The following CNKSR3 variants were observed in gnomAD, a reference collection of about 807,000 sequenced individuals.
The protein encoded by CNKSR3 is connector enhancer of kinase suppressor of ras 3.
CNKSR3 carries 36 observed loss-of-function variants against 67.7 expected under a neutral mutation model. That is an observed-to-expected ratio of 0.53 (90% CI 0.41 to 0.70). The LOEUF is 0.70. CNKSR3 is among the 30% of genes least tolerant of loss of function. CNKSR3 has a pLI of 0.00. For missense variants in CNKSR3, 630 were observed against 695.2 expected (o/e 0.91, Z 1.05); for synonymous variants, 281 against 271.4 (o/e 1.04, Z -0.35).
intron 1 of CNKSR3, among the ~76,000 whole-genome samples, chr6:154,504,736 G>A (rs1237156561): frequency 1.3e-5 from 2 of 149,254 alleles, no homozygotes; most frequent in African/African-American, 2.4e-5. Flanking sequence ...CTGGACAGGT[G>A]CAATGTCTCA....
At chr6:154,432,792 T>G (rs1490561540) in intron 5 of CNKSR3, among the ~76,000 whole-genome samples, 1 of 152,226 alleles carries the variant, frequency 6.6e-6, no homozygotes, top group Non-Finnish European at 1.5e-5. Context: ...CGTGTGGTAT[T>G]TCCCCAATCA....
intron 7 of CNKSR3, among the ~76,000 whole-genome samples, chr6:154,423,378 C>T (rs890763635): frequency 6.6e-6 from 1 of 152,194 alleles, no homozygotes; most frequent in African/African-American, 2.4e-5. Context: ...GATCTCCCCC[C>T]TCAGCCTCCC....
In CNKSR3 at chr6:154,430,478, T is replaced by C; in HGVS notation, c.663A>G (p.Glu221=). The C allele has an allele frequency of 1.2e-6, 2 of 1,609,652 alleles. No individual in the cohort carries two copies. The highest frequency in any genetic ancestry group is 1.7e-6 in the Non-Finnish European group (2 of 1,178,412). ...AAGTGTTATTAGAACTTACCAGGCCTTCCCCAGGTTTAATGTTTGGTAAGT... is the reference window on the plus strand; with the variant it reads ...AAGTGTTATTAGAACTTACCAGGCCCTCCCCAGGTTTAATGTTTGGTAAGT... The part of the protein sequence containing the change: ...EVHLPNIKPG[E]GLGMYIKSTY... The change falls in exon 6 of 13, where the codon GAA becomes GAG. Residue 221 remains glutamate (E), a synonymous_variant. Coordinates refer to ENST00000607772, the MANE Select transcript of CNKSR3 (RefSeq NM_173515.4).
At chr6:154,478,729 C>T (rs898979393) in intron 1 of CNKSR3, among the ~76,000 whole-genome samples, 5 of 152,200 alleles carry the variant, frequency 3.3e-5, no homozygotes, top group South Asian at 4.1e-4. Flanking sequence ...CTCCTTTTTT[C>T]CTGAAACCTG....
chr6:154,433,428 A>T (rs1244183705), intron 5 of CNKSR3, 38 bp downstream of exon 5: 1 of 1,433,516 alleles, frequency 7.0e-7, no homozygotes, highest in Non-Finnish European at 9.7e-7. Context: ...TGCCTTTGGA[A>T]AATGAATTTT....
chr6:154,473,133 T>C (rs1435335289), intron 1 of CNKSR3, among the ~76,000 whole-genome samples: 6 of 152,238 alleles, frequency 3.9e-5, no homozygotes, highest in African/African-American at 1.4e-4. Context: ...TAAAATGTAG[T>C]AACTTGCTCA....
At chr6:154,461,356 T>C (rs1786076502) in intron 1 of CNKSR3, among the ~76,000 whole-genome samples, 1 of 152,204 alleles carries the variant, frequency 6.6e-6, no homozygotes, top group Non-Finnish European at 1.5e-5. Context: ...ACTGAGTACT[T>C]ACTATGTTTT....
At chr6:154,425,745 C>CTTGCTTCAGCCTCAAGCAAGCA (rs61139477) in intron 7 of CNKSR3, among the ~76,000 whole-genome samples, 95,836 of 151,386 alleles carry the variant, frequency 0.63, 30,906 homozygotes, top group East Asian at 0.85. Context: ...GAAGGCCTTG[C>CTTGCTTCAGCCTCAAGCAAGCA]TTGCTTCAGC....
intron 1 of CNKSR3, among the ~76,000 whole-genome samples, chr6:154,492,697 G>T (rs1459782299): frequency 6.8e-6 from 1 of 148,034 alleles, no homozygotes; most frequent in African/African-American, 2.5e-5. Context: ...AGTGAGCAGA[G>T]ATTGTGCCAC....
rs1304851019 is a variant in CNKSR3, at chr6:154,406,324, G to A, written c.*30C>T. ...TAAAAGCAAGGCACTTGGGGCAGGA[G>A]CCAGGCAGGTGGCCTGAGCAGGGTC... On this transcript the variant is annotated 3_prime_UTR_variant, in exon 13 of 13. Transcript: ENST00000607772. 2 of 1,584,508 alleles carry A rather than the reference G, an allele frequency of 1.3e-6. No individual in the cohort carries two copies.
chr6:154,423,112 C>T (rs1442123090), intron 7 of CNKSR3, 129 bp from the exon 8 acceptor site: 2 of 626,634 alleles, frequency 3.2e-6, no homozygotes, highest in African/African-American at 1.8e-5. Context: ...TAAAACAATG[C>T]ACTTTATTCC....
At chr6:154,421,684 T>A (rs1419119028) in intron 9 of CNKSR3, among the ~76,000 whole-genome samples, 1 of 152,174 alleles carries the variant, frequency 6.6e-6, no homozygotes, top group African/African-American at 2.4e-5. Flanking sequence ...AATGTCTAAA[T>A]AATGGTGTGA....
chr6:154,464,118 A>G (rs548931103), intron 1 of CNKSR3, among the ~76,000 whole-genome samples: 1 of 152,236 alleles, frequency 6.6e-6, no homozygotes, highest in Non-Finnish European at 1.5e-5. Context: ...AAGCACTGTT[A>G]TACTTCTTGG....
At position 154,406,151 on chromosome 6, in the gene CNKSR3, C is replaced by A. The variant is rs1025378605; in HGVS notation, c.*203G>T. The A allele has an allele frequency of 5.2e-6, 3 of 580,648 alleles. No individual in the cohort carries two copies. In the South Asian group the frequency reaches 6.6e-5, roughly 13 times the overall value. 36.0% of individuals were successfully genotyped at this position (580,648 alleles called of 1,614,324 possible). ...ACCCATTTCCCTCCTTTTGTCTCCA[C>A]AAGCCAGCACCTAAGATCCTCTGAA... On this transcript the variant is annotated 3_prime_UTR_variant, in exon 13 of 13. Coordinates refer to ENST00000607772, the MANE Select transcript of CNKSR3 (RefSeq NM_173515.4).
At chr6:154,445,330 T>C (rs1265825859) in intron 2 of CNKSR3, among the ~76,000 whole-genome samples, 2 of 152,198 alleles carry the variant, frequency 1.3e-5, no homozygotes, top group African/African-American at 2.4e-5. Flanking sequence ...AATATAATAA[T>C]ATTGTCCTTC....
chr6:154,416,650 G>T (rs534716255), intron 9 of CNKSR3, among the ~76,000 whole-genome samples: 131 of 152,260 alleles, frequency 8.6e-4, no homozygotes, highest in Non-Finnish European at 1.4e-3. Context: ...TAATGATGTT[G>T]AACAACTTAG....
intron 1 of CNKSR3, among the ~76,000 whole-genome samples, chr6:154,465,386 A>G (rs933918274): frequency 2.0e-5 from 3 of 152,174 alleles, no homozygotes; most frequent in Non-Finnish European, 2.9e-5. Flanking sequence ...TAATTACAGA[A>G]AACAGGTAAA....
At chr6:154,408,384 A>G (rs1460031329) in intron 12 of CNKSR3, among the ~76,000 whole-genome samples, 1 of 152,200 alleles carries the variant, frequency 6.6e-6, no homozygotes, top group Non-Finnish European at 1.5e-5. Context: ...ACAACTGGAA[A>G]TCACACGAAA....
intron 1 of CNKSR3, among the ~76,000 whole-genome samples, chr6:154,486,292 TC>T (rs1786663775): frequency 6.9e-6 from 1 of 144,348 alleles, no homozygotes; most frequent in African/African-American, 2.7e-5. Context: ...TCTCTCTCTC[TC>T]TTTTTCTTTT....
Sources: allele counts gnomAD v4.1 joint callset (sites outside exome capture counted in the v4.1 genomes callset), GRCh38; gene constraint gnomAD v4.1.1; transcripts MANE v1.5; gene names NCBI Gene and HGNC (gene_info 2026-07-23, HGNC 2026-07-21).